Variants in HNMT observed in about 807,000 individuals in gnomAD.
HNMT encodes the protein histamine N-methyltransferase.
HNMT carries 30 observed loss-of-function variants against 32.1 expected under a neutral mutation model. That is an observed-to-expected ratio of 0.93 (90% CI 0.70 to 1.27). The LOEUF is 1.27. HNMT is among the 50% of genes most tolerant of loss of function. The pLI, the probability that HNMT is intolerant of heterozygous loss-of-function variation, is 0.00. For missense variants in HNMT, 327 were observed against 346.0 expected (o/e 0.95, Z 0.43); for synonymous variants, 125 against 119.0 (o/e 1.05, Z -0.33).
At chr2:137,964,803 T>C (rs1476573023) in intron 1 of HNMT, among the ~76,000 whole-genome samples, 175 bp downstream of exon 1, 2 of 152,192 alleles carry the variant, frequency 1.3e-5, no homozygotes, top group African/African-American at 4.8e-5. Context: ...CTGCAGTGCT[T>C]TGGTTCCACG....
intron 1 of HNMT, chr2:137,967,289 G>A: frequency 3.5e-6 from 2 of 578,792 alleles, no homozygotes; most frequent in Non-Finnish European, 6.1e-6. Context: ...GCATGCACAT[G>A]CTACTCCAGA....
At chr2:137,992,676 C>T (rs1249001460) in intron 2 of HNMT, among the ~76,000 whole-genome samples, 3 of 152,192 alleles carry the variant, frequency 2.0e-5, no homozygotes, top group Non-Finnish European at 2.9e-5. Context: ...AGTGGGTTCC[C>T]CGCAAGTGAG....
chr2:137,981,067 A>G, intron 2 of HNMT: 1 of 1,037,188 alleles, frequency 9.6e-7, no homozygotes, highest in Non-Finnish European at 1.3e-6. Context: ...AACAAAAATG[A>G]TAATAATCTT....
intron 2 of HNMT, among the ~76,000 whole-genome samples, chr2:137,990,939 A>G (rs3100724): frequency 0.42 from 64,145 of 151,976 alleles, 13,818 homozygotes; most frequent in South Asian, 0.48. Context: ...AGTCCCACAA[A>G]ACTGTCCCCT....
rs796811820 is a variant in HNMT at position 138,002,391 on chromosome 2, A to G, written c.429+197A>G. ...GATTCTCTTTAACATTCCAAAAACCAGTTTTCTCTAATCAAAATACCTCTA... is the reference window on the plus strand; with the variant it reads ...GATTCTCTTTAACATTCCAAAAACCGGTTTTCTCTAATCAAAATACCTCTA... On this transcript the variant is annotated intron_variant, in intron 4 of 5. Transcript: ENST00000280097. 77 of 1,003,514 alleles carry G rather than the reference A, an allele frequency of 7.7e-5. No individual in the cohort carries two copies. The African/African-American group carries it at 1.2e-3, about 15-fold the overall frequency. 62.2% of individuals were successfully genotyped at this position (1,003,514 alleles called of 1,614,324 possible). A position where few individuals can be genotyped will look rare whatever the true frequency, so the allele number is the denominator to read the frequency against.
intron 1 of HNMT, among the ~76,000 whole-genome samples, chr2:137,969,684 G>A (rs942419902): frequency 2.6e-5 from 4 of 151,976 alleles, no homozygotes; most frequent in African/African-American, 9.7e-5. Flanking sequence ...TGAGAGCAAA[G>A]TGATATCTGT....
At chr2:137,967,632 C>A (rs1471001) in intron 1 of HNMT, 146,221 of 152,278 alleles carry the variant, frequency 0.96, 70,463 homozygotes, top group East Asian at 1. Context: ...TTCAGTTATG[C>A]GGAACTTTGG....
chr2:137,993,389 C>T (rs377209790), intron 2 of HNMT, among the ~76,000 whole-genome samples: 1 of 152,138 alleles, frequency 6.6e-6, no homozygotes, highest in African/African-American at 2.4e-5. Context: ...AAACACAGCA[C>T]GAGAACTTCC....
Position 137,994,916 on chromosome 2 carries a change from C to A in HNMT, c.191-6002C>A, listed in dbSNP as rs988867822. On this transcript the variant is annotated intron_variant, in intron 2 of 5. Coordinates refer to ENST00000280097, the MANE Select transcript of HNMT (RefSeq NM_006895.3). ...TTGAACAACCTGCTCCTGAATGACTCCTGGGTAAATAATGAAATTAAAGCA... is the reference window on the plus strand; with the variant it reads ...TTGAACAACCTGCTCCTGAATGACTACTGGGTAAATAATGAAATTAAAGCA... 2.0e-5 allele frequency among the ~76,000 whole-genome samples: 3 copies of A among 152,032 alleles called. No individual in the cohort carries two copies. The East Asian group carries it at 5.8e-4, about 29-fold the overall frequency.
intron 5 of HNMT, among the ~76,000 whole-genome samples, chr2:138,012,765 ATCACTGATTCTT>A (rs1181414700): frequency 6.6e-6 from 1 of 152,080 alleles, no homozygotes; most frequent in Non-Finnish European, 1.5e-5. Context: ...TACTGGGGTC[ATCACTGATTCTT>A]TCTTTTTACC....
At chr2:137,980,064 C>A (rs1006869052) in intron 2 of HNMT, among the ~76,000 whole-genome samples, 2 of 147,590 alleles carry the variant, frequency 1.4e-5, no homozygotes, top group African/African-American at 5.1e-5. Flanking sequence ...GAGACAGAGT[C>A]TCCCTCTGTC....
At chr2:138,012,541 C>T (rs1681538663) in intron 5 of HNMT, among the ~76,000 whole-genome samples, 1 of 152,122 alleles carries the variant, frequency 6.6e-6, no homozygotes, top group Non-Finnish European at 1.5e-5. Context: ...TCACCATTTA[C>T]TGTGCTCTTT....
At chr2:137,993,319 G>A (rs1311921296) in intron 2 of HNMT, among the ~76,000 whole-genome samples, 2 of 152,110 alleles carry the variant, frequency 1.3e-5, no homozygotes, top group Non-Finnish European at 2.9e-5. Flanking sequence ...AAAGGTTAGA[G>A]GAATTGCTAA....
chr2:137,977,399 G>T (rs1239985477), intron 2 of HNMT, among the ~76,000 whole-genome samples: 1 of 152,040 alleles, frequency 6.6e-6, no homozygotes, highest in Non-Finnish European at 1.5e-5. Flanking sequence ...ATGCAACTCT[G>T]GTGTAGGTGA....
intron 5 of HNMT, among the ~76,000 whole-genome samples, chr2:138,012,143 A>G (rs945852377): frequency 6.6e-6 from 1 of 152,176 alleles, no homozygotes; most frequent in African/African-American, 2.4e-5. Context: ...GTATTTTATA[A>G]GCACTTATTA....
chr2:137,971,466 C>T (rs1327961937), intron 2 of HNMT, among the ~76,000 whole-genome samples: 1 of 152,218 alleles, frequency 6.6e-6, no homozygotes, highest in African/African-American at 2.4e-5. Flanking sequence ...GCATGAGTCA[C>T]ATGCCCAGCC....
At chr2:138,002,217 T>C in intron 4 of HNMT, 23 bp downstream of exon 4, 4 of 1,406,562 alleles carry the variant, frequency 2.8e-6, no homozygotes, top group Middle Eastern at 1.9e-4. Flanking sequence ...TATTATAATA[T>C]ATACTCAGAA....
chr2:137,989,291 T>A (rs1007918881), intron 2 of HNMT, among the ~76,000 whole-genome samples: 5 of 152,210 alleles, frequency 3.3e-5, no homozygotes, highest in Non-Finnish European at 5.9e-5. Context: ...CATAATTTTG[T>A]CTTTTCCAGA....
chr2:137,994,155 A>G (rs761474080), intron 2 of HNMT, among the ~76,000 whole-genome samples: 1 of 152,196 alleles, frequency 6.6e-6, no homozygotes, highest in Non-Finnish European at 1.5e-5. Context: ...GGTAGGGTCA[A>G]ATTCACACAT....
Sources: gnomAD v4.1 joint callset for allele counts (sites outside exome capture counted in the v4.1 genomes callset) on GRCh38, gnomAD v4.1.1 for gene constraint, MANE v1.5 for transcripts, NCBI Gene and HGNC (gene_info 2026-07-23, HGNC 2026-07-21) for gene names.